SHLD2: variants seen among roughly 807,000 people sequenced by gnomAD.
SHLD2 encodes RINN1-REV7-interacting novel NHEJ regulator 2.
A neutral mutation model predicts 73.2 loss-of-function variants in SHLD2; 30 were observed. That is an observed-to-expected ratio of 0.41 (90% CI 0.31 to 0.56). The LOEUF is 0.56. SHLD2 is among the 20% of genes least tolerant of loss of function. The pLI, the probability that SHLD2 is intolerant of heterozygous loss-of-function variation, is 0.28. For synonymous variants in SHLD2, 285 were observed against 370.1 expected (o/e 0.77, Z 2.64); for missense variants, 745 against 1,055.9 (o/e 0.71, Z 4.08).
chr10:87,110,726 A>G (rs142180469), intron 2 of SHLD2, among the ~76,000 whole-genome samples: 1 of 152,330 alleles, frequency 6.6e-6, no homozygotes, highest in East Asian at 1.9e-4. Flanking sequence ...AACTGAAACT[A>G]TAAAACGCTT....
chr10:87,118,998 T>A (rs1216468038), intron 2 of SHLD2, among the ~76,000 whole-genome samples: 1 of 151,774 alleles, frequency 6.6e-6, no homozygotes. Flanking sequence ...TCATACAGTA[T>A]CTGGCACATG....
chr10:87,120,212 A>G (rs1017896007), intron 2 of SHLD2, among the ~76,000 whole-genome samples: 18 of 150,832 alleles, frequency 1.2e-4, no homozygotes, highest in African/African-American at 4.4e-4. Flanking sequence ...GGCTGCTGTA[A>G]CAGTGAAGTG....
At chr10:87,122,168 A>T (rs1589474631) in intron 2 of SHLD2, among the ~76,000 whole-genome samples, 1 of 108,678 alleles carries the variant, frequency 9.2e-6, no homozygotes, top group Non-Finnish European at 1.8e-5. Context: ...TTCTCCACTG[A>T]CTGTCAAAAA....
chr10:87,107,066 A>G (rs1372814276), intron 2 of SHLD2, among the ~76,000 whole-genome samples: 2 of 142,866 alleles, frequency 1.4e-5, no homozygotes, highest in Non-Finnish European at 3.0e-5. Context: ...TTTTTTTTCT[A>G]TAGATATTAA....
At chr10:87,146,107 G>T (rs1311885335) in intron 2 of SHLD2, among the ~76,000 whole-genome samples, 3 of 152,000 alleles carry the variant, frequency 2.0e-5, no homozygotes, top group East Asian at 3.9e-4. Flanking sequence ...GATTTAATAG[G>T]GCCACTTTCT....
intron 4 of SHLD2, among the ~76,000 whole-genome samples, chr10:87,162,990 C>T (rs1846927308): frequency 6.6e-6 from 1 of 152,108 alleles, no homozygotes; most frequent in Non-Finnish European, 1.5e-5. Flanking sequence ...TACCCTGAAG[C>T]TACACCTCCA....
chr10:87,185,110 G>A (rs1432066186), intron 8 of SHLD2, among the ~76,000 whole-genome samples: 1 of 151,990 alleles, frequency 6.6e-6, no homozygotes, highest in Admixed American at 6.6e-5. Context: ...TGGCAACTAC[G>A]AATCTGCTTT....
chr10:87,148,900 T>TTTC (rs1200491725), intron 2 of SHLD2, among the ~76,000 whole-genome samples: 21 of 151,090 alleles, frequency 1.4e-4, no homozygotes, highest in African/African-American at 2.2e-4. Context: ...TTTTTTTTTT[T>TTTC]TCTGAGGCAG....
intron 2 of SHLD2, among the ~76,000 whole-genome samples, chr10:87,137,388 AAGGGAAGGGAGGGG>A (rs894800524): frequency 1.3e-5 from 2 of 151,710 alleles, no homozygotes; most frequent in African/African-American, 4.8e-5. Flanking sequence ...AAGAAAAGGA[AAGGGAAGGGAGGGG>A]AGGGAAGGGA....
intron 2 of SHLD2, among the ~76,000 whole-genome samples, chr10:87,126,210 T>C (rs2134115465): frequency 6.6e-6 from 1 of 152,238 alleles, no homozygotes; most frequent in South Asian, 2.1e-4. Flanking sequence ...TCCCAAGTAG[T>C]TGGGACTAAA....
At chr10:87,136,696 C>A (rs1187647420) in intron 2 of SHLD2, among the ~76,000 whole-genome samples, 1 of 151,830 alleles carries the variant, frequency 6.6e-6, no homozygotes, top group African/African-American at 2.4e-5. Flanking sequence ...AACTCCTGCT[C>A]CAATAGTGAG....
chr10:87,162,921 A>G (rs1215011349), intron 4 of SHLD2, among the ~76,000 whole-genome samples: 4 of 152,186 alleles, frequency 2.6e-5, no homozygotes, highest in Non-Finnish European at 5.9e-5. Context: ...ATTTGGCAAT[A>G]TCTAACAAAA....
At chr10:87,144,771 C>T (rs913387148) in intron 2 of SHLD2, among the ~76,000 whole-genome samples, 6 of 138,036 alleles carry the variant, frequency 4.3e-5, no homozygotes, top group Non-Finnish European at 7.9e-5. Flanking sequence ...GGACTACAGG[C>T]GCCCGCCACC....
chr10:87,169,941 T>C (rs1373389937), intron 4 of SHLD2, among the ~76,000 whole-genome samples: 1 of 152,174 alleles, frequency 6.6e-6, no homozygotes, highest in African/African-American at 2.4e-5. Flanking sequence ...TATGTGGTAT[T>C]GGGTAGGACA....
chr10:87,105,725 C>T (rs1472777569), intron 2 of SHLD2, among the ~76,000 whole-genome samples: 1 of 152,236 alleles, frequency 6.6e-6, no homozygotes, highest in Admixed American at 6.5e-5. Flanking sequence ...AAAAGGGCTT[C>T]AGCAGTTCCA....
At chr10:87,132,827 G>A (rs1203225808) in intron 2 of SHLD2, among the ~76,000 whole-genome samples, 5 of 152,128 alleles carry the variant, frequency 3.3e-5, no homozygotes, top group African/African-American at 1.2e-4. Context: ...GCATTAAGTG[G>A]GGGTATAGAA....
At chr10:87,187,042 T>G (rs1388529200) in intron 8 of SHLD2, 43 bp from the exon 9 acceptor site, 7 of 1,263,638 alleles carry the variant, frequency 5.5e-6, no homozygotes, top group Non-Finnish European at 5.7e-6. Context: ...TTCTTTTATC[T>G]GAAAATCTTT....
intron 2 of SHLD2, among the ~76,000 whole-genome samples, chr10:87,134,582 T>G (rs1844664744): frequency 6.6e-6 from 1 of 152,140 alleles, no homozygotes; most frequent in Non-Finnish European, 1.5e-5. Flanking sequence ...GCCAAAAGCC[T>G]GGGCCAGTGA....
At chr10:87,175,631 C>A (rs937662241) in intron 6 of SHLD2, among the ~76,000 whole-genome samples, 1 of 151,920 alleles carries the variant, frequency 6.6e-6, no homozygotes, top group South Asian at 2.1e-4. Context: ...TTTCAGTGAG[C>A]CGAGATCACA....
Sources: allele counts gnomAD v4.1 joint callset (sites outside exome capture counted in the v4.1 genomes callset), GRCh38; gene constraint gnomAD v4.1.1; transcripts MANE v1.5; gene names NCBI Gene and HGNC (gene_info 2026-07-23, HGNC 2026-07-21).